The following IL1R1 variants were observed in gnomAD, a reference collection of about 807,000 sequenced individuals.
The protein encoded by IL1R1 is interleukin-1 receptor type 1.
IL1R1 carries 22 observed loss-of-function variants against 50.2 expected under a neutral mutation model. The observed-to-expected ratio is 0.44, with a 90% CI of 0.31 to 0.63. The LOEUF is 0.63. Among genes scored for constraint, IL1R1 ranks in the 20% least tolerant of loss-of-function variants. The probability of loss-of-function intolerance (pLI) is 0.07; values close to 1 mark genes in which losing one functional copy is unlikely to be tolerated. For synonymous variants in IL1R1, 251 were observed against 236.7 expected (o/e 1.06, Z -0.55); for missense variants, 509 against 676.2 (o/e 0.75, Z 2.74).
At chr2:102,124,598 G>A (rs981039521) in intron 1 of IL1R1, among the ~76,000 whole-genome samples, 18 of 152,210 alleles carry the variant, frequency 1.2e-4, no homozygotes, top group Admixed American at 1.1e-3. Flanking sequence ...TGAAGTGAGA[G>A]CACAGGAAAA....
At chr2:102,152,352 A>G (rs1475984222) in intron 1 of IL1R1, among the ~76,000 whole-genome samples, 1 of 151,372 alleles carries the variant, frequency 6.6e-6, no homozygotes, top group Non-Finnish European at 1.5e-5. Context: ...AAAAATACAA[A>G]AAATTAGCCG....
At chr2:102,115,207 C>A (rs893197430) in intron 1 of IL1R1, among the ~76,000 whole-genome samples, 4 of 152,120 alleles carry the variant, frequency 2.6e-5, no homozygotes, top group African/African-American at 9.7e-5. Context: ...GGGTTGAGAA[C>A]CACTGACCCG....
chr2:102,162,368 T>G (rs1684805598), intron 3 of IL1R1, among the ~76,000 whole-genome samples: 1 of 152,200 alleles, frequency 6.6e-6, no homozygotes, highest in East Asian at 1.9e-4. Context: ...CGCCTTTCAA[T>G]GAGAGTGTTT....
chr2:102,087,056 C>T lies in IL1R1; in HGVS notation c.-84+16523C>T, dbSNP rs547914172. Among the ~76,000 whole-genome samples the T allele has an allele frequency of 8.6e-4, 131 of 151,762 alleles. 1 individual carries two copies. Among genetic ancestry groups the T allele is most frequent in the Middle Eastern group, 3.4e-3 (1 of 294 alleles). ...CACAATTTCTTTTTTTTTTGGTTAC[C>T]CATTGCATGTAAAAGTTATGTTTAC... On this transcript the variant is annotated intron_variant, in intron 1 of 11. Coordinates refer to the IL1R1 transcript ENST00000409929.
chr2:102,148,777 C>T (rs1166583931), intron 1 of IL1R1, among the ~76,000 whole-genome samples: 1 of 152,096 alleles, frequency 6.6e-6, no homozygotes, highest in African/African-American at 2.4e-5. Flanking sequence ...TTGTAAGTCC[C>T]TTTTACCTTC....
intron 1 of IL1R1, among the ~76,000 whole-genome samples, chr2:102,072,289 G>A (rs1464516725): frequency 2.0e-5 from 3 of 151,008 alleles, no homozygotes; most frequent in East Asian, 3.9e-4. Flanking sequence ...AAAAAAATTC[G>A]TACACTTTAC....
chr2:102,125,817 A>G (rs148557385), intron 1 of IL1R1, among the ~76,000 whole-genome samples: 1 of 152,250 alleles, frequency 6.6e-6, no homozygotes, highest in Non-Finnish European at 1.5e-5. Flanking sequence ...CCCATCCATG[A>G]ACAAAACTCT....
At chr2:102,149,749 T>G (rs1683486323) in intron 1 of IL1R1, among the ~76,000 whole-genome samples, 1 of 152,156 alleles carries the variant, frequency 6.6e-6, no homozygotes, top group East Asian at 1.9e-4. Context: ...CACCTACCTG[T>G]GTGCATGCTC....
chr2:102,072,075 C>T (rs1161697353), intron 1 of IL1R1, among the ~76,000 whole-genome samples: 10 of 151,654 alleles, frequency 6.6e-5, no homozygotes, highest in South Asian at 6.2e-4. Flanking sequence ...CTGGCTGACA[C>T]GGCAAAACCC....
intron 1 of IL1R1, among the ~76,000 whole-genome samples, chr2:102,153,280 C>G (rs1220585613): frequency 6.6e-6 from 1 of 152,090 alleles, no homozygotes; most frequent in Non-Finnish European, 1.5e-5. Context: ...CATGGCATCC[C>G]TAGGTGGTTT....
upstream of IL1R1, among the ~76,000 whole-genome samples, chr2:102,100,509 A>T (rs1680094910): frequency 6.6e-6 from 1 of 152,234 alleles, no homozygotes; most frequent in Non-Finnish European, 1.5e-5. Context: ...CACAAGACAG[A>T]TGTTTGCAGA....
At chr2:102,159,201 T>C (rs925360824) in intron 3 of IL1R1, among the ~76,000 whole-genome samples, 1 of 152,206 alleles carries the variant, frequency 6.6e-6, no homozygotes, top group African/African-American at 2.4e-5. Context: ...GGGTTGAATA[T>C]ATAAAATTGG....
chr2:102,170,998 T>A (rs1685620351), intron 7 of IL1R1, among the ~76,000 whole-genome samples: 1 of 152,120 alleles, frequency 6.6e-6, no homozygotes. Flanking sequence ...GAGGAGAAGG[T>A]TACAGTGAGC....
chr2:102,114,780 G>A (rs910459637), intron 1 of IL1R1, among the ~76,000 whole-genome samples: 7 of 151,808 alleles, frequency 4.6e-5, no homozygotes, highest in African/African-American at 1.5e-4. Flanking sequence ...TAGAACCTAG[G>A]CTCATAGGAA....
chr2:102,163,241 C>T (rs994640492), intron 3 of IL1R1, among the ~76,000 whole-genome samples: 1 of 152,082 alleles, frequency 6.6e-6, no homozygotes, highest in Non-Finnish European at 1.5e-5. Context: ...GTTTCTTTTG[C>T]TTGGGGTTCA....
At chr2:102,152,481 G>A (rs1215080777) in intron 1 of IL1R1, among the ~76,000 whole-genome samples, 2 of 120,704 alleles carry the variant, frequency 1.7e-5, no homozygotes, top group African/African-American at 6.4e-5. Context: ...CTCCAGCCTG[G>A]GGGACAGAGC....
At chr2:102,168,778 A>G (rs1274350861) in intron 7 of IL1R1, 115 bp downstream of exon 7, 3 of 718,300 alleles carry the variant, frequency 4.2e-6, no homozygotes, top group Admixed American at 2.9e-5. Context: ...GTATAAATCT[A>G]TCAATGGAGG....
intron 1 of IL1R1, among the ~76,000 whole-genome samples, chr2:102,123,926 G>C (rs1681541002): frequency 6.6e-6 from 1 of 152,118 alleles, no homozygotes; most frequent in Non-Finnish European, 1.5e-5. Context: ...GAAGGAGATG[G>C]TGAACAAGAG....
intron 3 of IL1R1, among the ~76,000 whole-genome samples, chr2:102,163,188 G>C (rs937364998): frequency 6.6e-5 from 10 of 151,982 alleles, no homozygotes; most frequent in African/African-American, 2.4e-4. Flanking sequence ...TTTGTCACTG[G>C]TTTTAAACAA....
Sources: gnomAD v4.1 joint callset for allele counts (sites outside exome capture counted in the v4.1 genomes callset) on GRCh38, gnomAD v4.1.1 for gene constraint, MANE v1.5 for transcripts, NCBI Gene and HGNC (gene_info 2026-07-23, HGNC 2026-07-21) for gene names.